The following MAF variants were observed in gnomAD, a reference collection of about 807,000 sequenced individuals.
MAF encodes MAF bZIP transcription factor.
Under a neutral mutation model 22.0 loss-of-function variants are expected in MAF, and 10 were observed. The ratio of observed to expected loss-of-function variants is 0.45; its 90% CI spans 0.28 to 0.77. MAF has a LOEUF of 0.77. MAF is among the 30% of genes least tolerant of loss of function. MAF has a pLI of 0.12. For missense variants in MAF, 544 were observed against 548.4 expected, an observed-to-expected ratio of 0.99 and a Z score of 0.08; for synonymous variants, 337 against 255.8, an observed-to-expected ratio of 1.32 and a Z score of -3.03.
At chr16:79,326,298 T>A in the MAF span, among the ~76,000 whole-genome samples, 1,397 of 152,310 alleles carry the variant, frequency 9.2e-3, 11 homozygotes, top group Middle Eastern at 0.037. Flanking sequence ...AAAGTACTTA[T>A]CATGATACCT....
At chr16:79,513,983 C>T in the MAF span, among the ~76,000 whole-genome samples, 1 of 152,114 alleles carries the variant, frequency 6.6e-6, no homozygotes, top group Non-Finnish European at 1.5e-5. Flanking sequence ...GAACACCTTC[C>T]CCCCACCCTT....
At chr16:79,595,889 T>C in intron 1 of MAF, 1 of 1,059,482 alleles carries the variant, frequency 9.4e-7, no homozygotes, top group Admixed American at 5.4e-5. Context: ...GGATTTTCTT[T>C]TTCCTATTTA....
At chr16:79,596,001 A>T in intron 1 of MAF, 2 of 1,061,038 alleles carry the variant, frequency 1.9e-6, no homozygotes, top group Non-Finnish European at 2.3e-6. Flanking sequence ...TAACAAGAAA[A>T]TCTCGGTGTG....
the MAF span, among the ~76,000 whole-genome samples, chr16:79,549,237 A>G: frequency 1.4e-4 from 21 of 152,210 alleles, no homozygotes; most frequent in East Asian, 1.9e-3. Context: ...CGTGCCCAAC[A>G]TAGTGCAGAG....
chr16:79,395,780 C>T, the MAF span, among the ~76,000 whole-genome samples: 1 of 152,178 alleles, frequency 6.6e-6, no homozygotes, highest in Non-Finnish European at 1.5e-5. Flanking sequence ...AAGCTGCCAA[C>T]AAAGTTTCTC....
chr16:79,519,592 G>T, the MAF span, among the ~76,000 whole-genome samples: 190 of 152,272 alleles, frequency 1.2e-3, 1 homozygote, highest in Non-Finnish European at 2.4e-3. Flanking sequence ...CTTGTCATCG[G>T]TAACCATCCA....
the MAF span, among the ~76,000 whole-genome samples, chr16:79,340,824 G>A: frequency 2.0e-5 from 3 of 152,056 alleles, no homozygotes; most frequent in Admixed American, 6.5e-5. Context: ...GAAGCAAATC[G>A]CCCCCTCATT....
chr16:79,458,913 A>C, the MAF span, among the ~76,000 whole-genome samples: 40 of 152,362 alleles, frequency 2.6e-4, no homozygotes, highest in African/African-American at 9.6e-4. Flanking sequence ...AACAAGCTAC[A>C]GGAAAATGCA....
the MAF span, among the ~76,000 whole-genome samples, chr16:79,519,303 A>C: frequency 1.7e-4 from 26 of 152,294 alleles, no homozygotes; most frequent in African/African-American, 5.8e-4. Context: ...GAGATGGGGT[A>C]TAATGCATTC....
At chr16:79,348,273 T>A in the MAF span, among the ~76,000 whole-genome samples, 4 of 152,216 alleles carry the variant, frequency 2.6e-5, no homozygotes, top group African/African-American at 9.6e-5. Flanking sequence ...GCGGAGTAAA[T>A]AAATTTCTTC....
At chr16:79,377,107 C>A in the MAF span, among the ~76,000 whole-genome samples, 13 of 152,190 alleles carry the variant, frequency 8.5e-5, no homozygotes, top group Non-Finnish European at 1.8e-4. Flanking sequence ...ACACTGACTT[C>A]CACAATGGTT....
the MAF span, among the ~76,000 whole-genome samples, chr16:79,226,371 C>T: frequency 2.0e-5 from 3 of 152,062 alleles, no homozygotes; most frequent in Admixed American, 1.3e-4. Flanking sequence ...CATACCAGGG[C>T]CTGTCAGGGG....
At chr16:79,330,200 T>C in the MAF span, among the ~76,000 whole-genome samples, 1 of 152,220 alleles carries the variant, frequency 6.6e-6, no homozygotes, top group African/African-American at 2.4e-5. Context: ...TCCAATTTTA[T>C]GGTTCAACAT....
the MAF span, among the ~76,000 whole-genome samples, chr16:79,560,404 C>T: frequency 4.9e-4 from 73 of 149,948 alleles, no homozygotes; most frequent in African/African-American, 1.6e-3. Context: ...AACATACGAA[C>T]GAACAAAAAG....
chr16:79,368,275 G>C, the MAF span, among the ~76,000 whole-genome samples: 1 of 152,124 alleles, frequency 6.6e-6, no homozygotes, highest in Non-Finnish European at 1.5e-5. Context: ...CCTGGCTCTT[G>C]AGGCTCCAGA....
chr16:79,457,126 G>C, the MAF span, among the ~76,000 whole-genome samples: 10 of 152,130 alleles, frequency 6.6e-5, no homozygotes, highest in African/African-American at 2.4e-4. Flanking sequence ...TCCTCATTGG[G>C]ATAAGGTTGA....
chr16:79,453,747 C>T, the MAF span, among the ~76,000 whole-genome samples: 1 of 152,186 alleles, frequency 6.6e-6, no homozygotes, highest in South Asian at 2.1e-4. Context: ...TAGAACGTCA[C>T]TGCTATTCTC....
At chr16:79,370,534 A>G in the MAF span, among the ~76,000 whole-genome samples, 4 of 152,300 alleles carry the variant, frequency 2.6e-5, no homozygotes, top group African/African-American at 9.6e-5. Flanking sequence ...ATGAGCATCT[A>G]TAAGGAGCAT....
the MAF span, among the ~76,000 whole-genome samples, chr16:79,211,359 T>C: frequency 4.6e-5 from 7 of 152,216 alleles, no homozygotes; most frequent in Admixed American, 4.6e-4. Context: ...TTTCCAAGCC[T>C]GTCCCTGTAT....
Sources: gnomAD v4.1 joint callset for allele counts (sites outside exome capture counted in the v4.1 genomes callset) on GRCh38, gnomAD v4.1.1 for gene constraint, MANE v1.5 for transcripts, NCBI Gene and HGNC (gene_info 2026-07-23, HGNC 2026-07-21) for gene names.